Variants in PPP2R2A observed in about 807,000 individuals in gnomAD.
PPP2R2A encodes the protein protein phosphatase 2 regulatory subunit Balpha, also known as serine/threonine-protein phosphatase 2A 55 kDa regulatory subunit B alpha isoform.
A neutral mutation model predicts 53.2 loss-of-function variants in PPP2R2A; 9 were observed. That is an observed-to-expected ratio of 0.17 (90% CI 0.10 to 0.30). The LOEUF (loss-of-function observed/expected upper bound fraction) is 0.30, where lower values mean the gene tolerates loss of function less well. Among genes scored for constraint, PPP2R2A ranks in the 10% least tolerant of loss-of-function variants. The pLI, the probability that PPP2R2A is intolerant of heterozygous loss-of-function variation, is 1.00. For missense variants in PPP2R2A, 235 were observed against 534.6 expected (o/e 0.44, Z 5.53); for synonymous variants, 169 against 174.2 (o/e 0.97, Z 0.23).
intron 3 of PPP2R2A, among the ~76,000 whole-genome samples, chr8:26,348,844 C>CTG (rs1491310765): frequency 6.6e-6 from 1 of 151,946 alleles, no homozygotes; most frequent in South Asian, 2.1e-4. Context: ...AAATGAAGAC[C>CTG]TGTGTGTGTG....
intron 2 of PPP2R2A, among the ~76,000 whole-genome samples, chr8:26,332,963 A>T (rs1376961809): frequency 6.6e-6 from 1 of 152,190 alleles, no homozygotes; most frequent in Non-Finnish European, 1.5e-5. Context: ...GATTTTTCTT[A>T]GGCTGGTTAA....
chr8:26,366,267 A>T, intron 8 of PPP2R2A, 48 bp from the exon 9 acceptor site: 1 of 1,460,654 alleles, frequency 6.8e-7, no homozygotes, highest in Non-Finnish European at 9.5e-7. Flanking sequence ...TGGACTTGTT[A>T]AATCATTTTC....
rs1384607977 is a variant in PPP2R2A, at chr8:26,354,590, G to A, written c.303G>A (p.Trp101Ter). 6.2e-7 allele frequency: 1 copy of A among 1,608,374 alleles called. No individual in the cohort carries two copies. Among genetic ancestry groups the A allele is most frequent in the East Asian group, 2.2e-5 (1 of 44,704 alleles). ...AAGAAAAGATCAACAAAATTAGGTG[G>A]TTACCCCAGAAAAATGCTGCTCAGT... Reference protein sequence around the residue: ...EIEEKINKIRWLPQKNAAQFL... With the variant: ...EIEEKINKIR Residue 101 changes from tryptophan (W) to a stop codon, truncating the protein, a stop_gained, in exon 4 of 10, where the codon TGG (tryptophan) becomes TGA (stop). Transcript: ENST00000380737. LOFTEE classifies it high-confidence loss of function. The surrounding 1 kb of genome is among the most constrained non-coding windows in gnomAD (Gnocchi z 4.6).
intron 4 of PPP2R2A, chr8:26,358,801 T>C (rs531426073): frequency 4.5e-4 from 169 of 376,656 alleles, no homozygotes; most frequent in South Asian, 1.4e-3. Context: ...AATAAACAAT[T>C]GAATGGATAC....
At chr8:26,322,099 CAA>C (rs905857888) in intron 2 of PPP2R2A, among the ~76,000 whole-genome samples, 3 of 152,108 alleles carry the variant, frequency 2.0e-5, no homozygotes, top group Admixed American at 6.5e-5. Flanking sequence ...GTGCAGGAAA[CAA>C]GAGAAACTGT....
At position 26,362,969 on chromosome 8, in the gene PPP2R2A, T is replaced by C; in HGVS notation, c.802+121T>C. The stretch of plus-strand genomic sequence containing the variant: ...CTTAAACCCGTGTGTCCAGAGCCAC[T>C]TGTACCCTTGGTAATCTGCCTACCT... On this transcript the variant is annotated intron_variant, in intron 7 of 9. Transcript: ENST00000380737. The surrounding 1 kb of genome is among the most constrained non-coding windows in gnomAD (Gnocchi z 4.4). The C allele has an allele frequency of 1.1e-6, 1 of 904,024 alleles. No homozygotes were observed. The highest frequency in any genetic ancestry group is 1.7e-5 in the South Asian group (1 of 59,910). 56.0% of individuals were successfully genotyped at this position (904,024 alleles called of 1,614,324 possible).
At chr8:26,304,523 A>T (rs931576381) in intron 2 of PPP2R2A, among the ~76,000 whole-genome samples, 3 of 152,238 alleles carry the variant, frequency 2.0e-5, no homozygotes, top group Non-Finnish European at 2.9e-5. Context: ...CAAACCTGCC[A>T]TTGCAGGCTC....
At position 26,291,717 on chromosome 8, in the gene PPP2R2A, G is replaced by T; in HGVS notation, c.-103G>T. ...TCCCCTCCCCCCGCAGGTGCCATCC[G>T]CCGCCATCCGCCCTCTCTACCCCCC... On this transcript the variant is annotated 5_prime_UTR_variant, in exon 1 of 10. Coordinates refer to ENST00000380737, the MANE Select transcript of PPP2R2A (RefSeq NM_002717.4). The T allele has an allele frequency of 3.0e-6, 1 of 335,938 alleles. No individual in the cohort carries two copies. The allele number at this position is 335,938 out of a possible 1,614,324, so 20.8% of individuals were successfully genotyped here.
At chr8:26,335,789 T>C (rs909282221) in intron 2 of PPP2R2A, among the ~76,000 whole-genome samples, 1 of 152,196 alleles carries the variant, frequency 6.6e-6, no homozygotes, top group Non-Finnish European at 1.5e-5. Context: ...GTTTCTAGGA[T>C]TCCTCACCCT....
chr8:26,335,581 G>C (rs1044170877), intron 2 of PPP2R2A, among the ~76,000 whole-genome samples: 11 of 152,284 alleles, frequency 7.2e-5, no homozygotes, highest in Non-Finnish European at 1.5e-4. Flanking sequence ...TTGGTTGGCT[G>C]TTTCTGAAAC....
At chr8:26,332,377 AAAAG>A (rs1302201222) in intron 2 of PPP2R2A, among the ~76,000 whole-genome samples, 1 of 151,924 alleles carries the variant, frequency 6.6e-6, no homozygotes, top group Non-Finnish European at 1.5e-5. Context: ...AAAAAAAAAA[AAAAG>A]AAGAAGATAC....
At chr8:26,322,858 A>G (rs1224555331) in intron 2 of PPP2R2A, among the ~76,000 whole-genome samples, 1 of 152,234 alleles carries the variant, frequency 6.6e-6, no homozygotes, top group East Asian at 1.9e-4. Flanking sequence ...AGCCACAGGA[A>G]GCAGCAGTTT....
Position 26,362,231 on chromosome 8 carries a change from C to T in PPP2R2A, c.638-453C>T, listed in dbSNP as rs895790290. ...TTGAGGCCGGGCACAGTGACTCATG[C>T]CTGTAATCCCAGCACTTTGGGAGGC... On this transcript the variant is annotated intron_variant, in intron 6 of 9. Transcript: ENST00000380737. This position sits in a 1 kb window ranked among gnomAD's most constrained non-coding sequence, Gnocchi z 4.4. 6.6e-6 allele frequency among the ~76,000 whole-genome samples: 1 copy of T among 151,720 alleles called. No homozygotes were observed. The highest frequency in any genetic ancestry group is 1.5e-5 in the Non-Finnish European group (1 of 67,980).
chr8:26,314,068 C>A (rs1032857024), intron 2 of PPP2R2A, among the ~76,000 whole-genome samples: 3 of 152,124 alleles, frequency 2.0e-5, no homozygotes, highest in Non-Finnish European at 2.9e-5. Context: ...TCTCCCATCA[C>A]TGTTTTCTTT....
chr8:26,348,491 A>G (rs1016534575), intron 3 of PPP2R2A, among the ~76,000 whole-genome samples: 3 of 152,232 alleles, frequency 2.0e-5, no homozygotes, highest in South Asian at 2.1e-4. Context: ...CTTTCAGGCT[A>G]TATGTATAAG....
At chr8:26,328,251 T>C (rs1310843406) in intron 2 of PPP2R2A, among the ~76,000 whole-genome samples, 1 of 152,216 alleles carries the variant, frequency 6.6e-6, no homozygotes, top group Non-Finnish European at 1.5e-5. Flanking sequence ...TTTAGTCCTT[T>C]TGTTCTCAAT....
chr8:26,310,975 G>A (rs17055109), intron 2 of PPP2R2A, among the ~76,000 whole-genome samples: 19,595 of 152,114 alleles, frequency 0.13, 1,411 homozygotes, highest in African/African-American at 0.19. Context: ...TTGGAGGGAA[G>A]CTCAAAGAAA....
At chr8:26,369,549 C>T (rs1805563202) in intron 9 of PPP2R2A, among the ~76,000 whole-genome samples, 1 of 152,136 alleles carries the variant, frequency 6.6e-6, no homozygotes. Context: ...TGCCACCACG[C>T]CAGGCTAATT....
intron 3 of PPP2R2A, among the ~76,000 whole-genome samples, chr8:26,353,935 C>A (rs1300528196): frequency 6.6e-6 from 1 of 152,022 alleles, no homozygotes; most frequent in African/African-American, 2.4e-5. Context: ...AATGGTATCC[C>A]TTCTTTTATA....
Sources: gnomAD v4.1 joint callset for allele counts (sites outside exome capture counted in the v4.1 genomes callset) on GRCh38, gnomAD v4.1.1 for gene constraint, Gnocchi (gnomAD v3.1) non-coding constraint, MANE v1.5 for transcripts, NCBI Gene and HGNC (gene_info 2026-07-23, HGNC 2026-07-21) for gene names.